Variants in ISY1 observed in about 807,000 individuals in gnomAD.
ISY1 encodes the protein pre-mRNA-splicing factor ISY1 homolog.
Under a neutral mutation model 54.4 loss-of-function variants are expected in ISY1, and 12 were observed. That is an observed-to-expected ratio of 0.22 (90% CI 0.14 to 0.36). The LOEUF (loss-of-function observed/expected upper bound fraction) is 0.36, where lower values mean the gene tolerates loss of function less well. ISY1 is among the 10% of genes least tolerant of loss of function. ISY1 has a pLI of 1.00. For synonymous variants in ISY1, 96 were observed against 117.9 expected (o/e 0.81, Z 1.20); for missense variants, 282 against 342.2 (o/e 0.82, Z 1.39).
In ISY1 at chr3:129,161,007, G is replaced by A. The variant is rs1023585362; in HGVS notation, c.-32C>T. 11 of 1,466,864 alleles carry A rather than the reference G, an allele frequency of 7.5e-6. No homozygotes were observed. The highest frequency in any genetic ancestry group is 2.4e-5 in the South Asian group (2 of 82,880). 90.9% of individuals were successfully genotyped at this position (1,466,864 alleles called of 1,614,324 possible). A position where few individuals can be genotyped will look rare whatever the true frequency, so the allele number is the denominator to read the frequency against. On this transcript the variant is annotated 5_prime_UTR_variant, in exon 1 of 11. Transcript: ENST00000393295. ...GCTAAGGGCGCCGTCCTGGAGCCCCGCGGCCCCTGTCCAAGAAACTCCACA... is the reference window on the plus strand; with the variant it reads ...GCTAAGGGCGCCGTCCTGGAGCCCCACGGCCCCTGTCCAAGAAACTCCACA...
rs752518539 is a variant in ISY1, at chr3:129,134,957, A to G, written c.419-3T>C. 1.6e-5 allele frequency: 25 copies of G among 1,600,028 alleles called. No homozygotes were observed. Among genetic ancestry groups the G allele is most frequent in the East Asian group, 9.0e-5 (4 of 44,440 alleles). Reference sequence around the variant, plus strand: ...TGTCTTTCTGGGAGGAGGAAGAGCTATAAGAAACAGAAATGGAGCTGAGTT... The same window carrying G: ...TGTCTTTCTGGGAGGAGGAAGAGCTGTAAGAAACAGAAATGGAGCTGAGTT... On this transcript the variant is annotated splice_polypyrimidine_tract_variant and splice_region_variant and intron_variant, in intron 7 of 10. Transcript: ENST00000393295.
Position 129,130,631 on chromosome 3 carries a change from G to T in ISY1, c.669C>A (p.Asp223Glu), listed in dbSNP as rs375151571. ...CTCCTTTCTCCTGGCTGCCTTCCTC[G>T]TCCGACTACAAACAGAACAAACGAA... ...NIYAVTEEESDEEGSQEKGGD... is the reference protein window; with the variant it reads ...NIYAVTEEESEEEGSQEKGGD... Residue 223 changes from aspartate to glutamate, a missense_variant, in exon 10 of 11, where the codon GAC becomes GAA. Asp to Glu is a conservative substitution (Grantham distance 45). Transcript: ENST00000393295. 3 of 1,613,870 alleles carry T rather than the reference G, an allele frequency of 1.9e-6. No homozygotes were observed. Among genetic ancestry groups the T allele is most frequent in the African/African-American group, 1.3e-5 (1 of 74,966 alleles).
chr3:129,129,791 C>A lies in ISY1; in HGVS notation c.*290G>T. ...TTTGCCACTAATTGATTCTTCTCCC[C>A]TCAAAATGGCAGTGCAAGTCAAAAT... On this transcript the variant is annotated 3_prime_UTR_variant, in exon 11 of 11. Coordinates refer to ENST00000393295, the MANE Select transcript of ISY1 (RefSeq NM_020701.4). 3.3e-6 allele frequency: 1 copy of A among 302,136 alleles called. No homozygotes were observed. The highest frequency in any genetic ancestry group is 6.0e-6 in the Non-Finnish European group (1 of 165,412). 18.7% of individuals were successfully genotyped at this position (302,136 alleles called of 1,614,324 possible). A position where few individuals can be genotyped will look rare whatever the true frequency, so the allele number is the denominator to read the frequency against.
chr3:129,143,392 G>A (rs1052189691), intron 6 of ISY1, among the ~76,000 whole-genome samples: 2 of 151,002 alleles, frequency 1.3e-5, no homozygotes, highest in African/African-American at 4.9e-5. Context: ...TATAATCTCA[G>A]CTGCTCTGGA....
intron 6 of ISY1, among the ~76,000 whole-genome samples, chr3:129,142,633 A>G (rs1361734091): frequency 6.6e-6 from 1 of 152,208 alleles, no homozygotes; most frequent in Non-Finnish European, 1.5e-5. Flanking sequence ...AATTTGGCTG[A>G]GCACAGCGGC....
chr3:129,156,748 A>C, intron 4 of ISY1, 73 bp from the exon 5 acceptor site: 1 of 1,551,970 alleles, frequency 6.4e-7, no homozygotes, highest in Non-Finnish European at 8.7e-7. Flanking sequence ...ATAATTCAAA[A>C]TTAGTATTTA....
intron 5 of ISY1, among the ~76,000 whole-genome samples, chr3:129,151,515 G>A (rs183715763): frequency 1.3e-5 from 2 of 152,072 alleles, no homozygotes; most frequent in African/African-American, 4.8e-5. Context: ...TGTAGTCCCA[G>A]CTACTCAGGA....
In ISY1 at chr3:129,140,418, A is replaced by G; in HGVS notation, c.368T>C (p.Phe123Ser). 1 of 1,613,374 alleles carries G rather than the reference A, an allele frequency of 6.2e-7. No homozygotes were observed. The highest frequency in any genetic ancestry group is 8.5e-7 in the Non-Finnish European group (1 of 1,179,862). The change falls in exon 7 of 11, where the codon TTT becomes TCT. Residue 123 changes from phenylalanine to serine, a missense_variant. Physicochemically the swap from Phe to Ser is radical, Grantham distance 155 (BLOSUM62 -2). This residue lies in a region of ISY1 where 279 missense variants were observed against 323.6 expected (regional missense o/e 0.86). Transcript: ENST00000393295. ...EVPGNRGYKY[F>S]GAAKDLPGVR... ...ACCAGGCAAATCTTTTGCTGCTCCA[A>G]AGTACTTGTAACCTCGGTTTCCTGG... is the stretch of plus-strand genomic sequence containing the variant.
intron 5 of ISY1, among the ~76,000 whole-genome samples, chr3:129,153,790 C>G (rs1209702187): frequency 1.3e-5 from 2 of 151,390 alleles, no homozygotes; most frequent in African/African-American, 2.4e-5. Context: ...TGTCTCAAAA[C>G]AAAACAAAAC....
intron 7 of ISY1, among the ~76,000 whole-genome samples, chr3:129,138,353 G>C (rs1281957827): frequency 6.6e-6 from 1 of 151,440 alleles, no homozygotes; most frequent in African/African-American, 2.4e-5. Context: ...ATACAAATTA[G>C]TACTGGTCAC....
chr3:129,136,879 T>A (rs150993958), intron 7 of ISY1, among the ~76,000 whole-genome samples: 5,124 of 146,944 alleles, frequency 0.035, 170 homozygotes, highest in East Asian at 0.11. Flanking sequence ...TTCTTCTTTT[T>A]TTTTTTATTT....
At chr3:129,144,242 A>G in intron 6 of ISY1, 1 of 346,756 alleles carries the variant, frequency 2.9e-6, no homozygotes, top group Non-Finnish European at 5.8e-6. Context: ...AAAAACAGCA[A>G]AAATAAAATA....
intron 7 of ISY1, among the ~76,000 whole-genome samples, chr3:129,137,367 T>G (rs1936440447): frequency 1.3e-5 from 2 of 152,112 alleles, no homozygotes; most frequent in Non-Finnish European, 2.9e-5. Flanking sequence ...GCATTTTCTT[T>G]CTAAAACAAA....
intron 5 of ISY1, among the ~76,000 whole-genome samples, chr3:129,156,051 C>T (rs754228317): frequency 1.3e-5 from 2 of 151,868 alleles, no homozygotes; most frequent in African/African-American, 4.8e-5. Context: ...AACATTTGTT[C>T]TGCAGCCCAG....
intron 7 of ISY1, among the ~76,000 whole-genome samples, chr3:129,136,012 G>A (rs1358041558): frequency 1.3e-5 from 2 of 151,236 alleles, no homozygotes; most frequent in African/African-American, 4.9e-5. Flanking sequence ...AAATAAAAAA[G>A]ACAAAAGAAG....
chr3:129,156,228 C>G (rs575509088), intron 5 of ISY1, among the ~76,000 whole-genome samples: 1 of 151,770 alleles, frequency 6.6e-6, no homozygotes, highest in Non-Finnish European at 1.5e-5. Context: ...GAAACCCTGT[C>G]TCTACTGAAA....
Position 129,140,450 on chromosome 3 carries a change from T to C in ISY1, c.336A>G (p.Lys112=), listed in dbSNP as rs768867156. The C allele has an allele frequency of 1.1e-5, 18 of 1,612,566 alleles. No individual in the cohort carries two copies. Among genetic ancestry groups the C allele is most frequent in the Non-Finnish European group, 1.1e-5 (13 of 1,179,654 alleles). The change falls in exon 7 of 11, where the codon AAA becomes AAG. Residue 112 remains lysine, a synonymous_variant. Coordinates refer to ENST00000393295, the MANE Select transcript of ISY1 (RefSeq NM_020701.4). The stretch of plus-strand genomic sequence containing the variant: ...TGTAACCTCGGTTTCCTGGGACTTC[T>C]TTTCCTTCATGATCCAGCATTTTAG... ...VGPKMLDHEG[K]EVPGNRGYKY...
At chr3:129,139,656 T>G (rs979830942) in intron 7 of ISY1, among the ~76,000 whole-genome samples, 4 of 152,128 alleles carry the variant, frequency 2.6e-5, no homozygotes, top group African/African-American at 9.7e-5. Flanking sequence ...CCTTTTTTTT[T>G]TTTGAGATGG....
chr3:129,137,180 G>C (rs1936434023), intron 7 of ISY1: 2 of 859,974 alleles, frequency 2.3e-6, no homozygotes, highest in African/African-American at 3.7e-5. Flanking sequence ...TTACAGGCAT[G>C]AGCCACCGCA....
Sources: gnomAD v4.1 joint callset for allele counts (sites outside exome capture counted in the v4.1 genomes callset) on GRCh38, gnomAD v4.1.1 for gene constraint, gnomAD v4.1.1 regional missense constraint, MANE v1.5 for transcripts, NCBI Gene and HGNC (gene_info 2026-07-23, HGNC 2026-07-21) for gene names.